Variants in ARHGAP32 observed in about 807,000 individuals in gnomAD.
ARHGAP32 encodes the protein Rho GTPase activating protein 32.
A neutral mutation model predicts 186.5 loss-of-function variants in ARHGAP32; 51 were observed. The observed-to-expected ratio is 0.27, with a 90% CI of 0.22 to 0.35. The LOEUF is 0.35. Ranked by LOEUF, ARHGAP32 falls within the 10% of genes least tolerant of loss-of-function variation. The pLI, the probability that ARHGAP32 is intolerant of heterozygous loss-of-function variation, is 1.00. For missense variants in ARHGAP32, 2,186 were observed against 2,623.5 expected (o/e 0.83, Z 3.64); for synonymous variants, 950 against 964.3 (o/e 0.99, Z 0.27).
At chr11:129,091,676 T>C (rs182213616) in intron 6 of ARHGAP32, among the ~76,000 whole-genome samples, 8 of 152,230 alleles carry the variant, frequency 5.3e-5, no homozygotes, top group African/African-American at 1.7e-4. Flanking sequence ...AATGGTGGTC[T>C]TATCTGAAGA....
chr11:129,277,095 C>G (rs552707069), intron 1 of ARHGAP32, among the ~76,000 whole-genome samples: 1 of 152,220 alleles, frequency 6.6e-6, no homozygotes, highest in East Asian at 1.9e-4. Flanking sequence ...GATGCCTAGT[C>G]CTTAACATTT....
At position 128,969,286 on chromosome 11, in the gene ARHGAP32, T is replaced by C; in HGVS notation, c.5927A>G (p.His1976Arg). The C allele has an allele frequency of 6.2e-7, 1 of 1,614,028 alleles. No homozygotes were observed. The highest frequency in any genetic ancestry group is 8.5e-7 in the Non-Finnish European group (1 of 1,180,016). The change falls in exon 23 of 23, where the codon CAC (histidine) becomes CGC (arginine). Residue 1976 changes from histidine to arginine, a missense_variant. By Grantham distance (29) the His-to-Arg change is conservative (BLOSUM62 0). Around this residue, in one of 5 missense-constraint regions of ARHGAP32, gnomAD observed 1,502 missense variants for 1,570.0 expected, o/e 0.96. Transcript: ENST00000682385. This position sits in a 1 kb window ranked among gnomAD's most constrained non-coding sequence, Gnocchi z 4.8. ...TTCCTCCTTGTAGCAGTCTCTGGAG[T>C]GTTTCTCTGGGGCAGAAGGCTGCCT... ...WVRQPSAPEKHSRDCYKEEEH... is the reference protein window; with the variant it reads ...WVRQPSAPEKRSRDCYKEEEH...
At chr11:129,047,235 T>C (rs1388869819) in intron 10 of ARHGAP32, among the ~76,000 whole-genome samples, 3 of 152,270 alleles carry the variant, frequency 2.0e-5, no homozygotes, top group African/African-American at 7.2e-5. Flanking sequence ...TTAAACTTAG[T>C]AGAAGCACTG....
At chr11:129,069,681 C>T (rs1017493437) in intron 6 of ARHGAP32, among the ~76,000 whole-genome samples, 6 of 151,904 alleles carry the variant, frequency 3.9e-5, no homozygotes, top group Non-Finnish European at 4.4e-5. Flanking sequence ...TTCAGCATGC[C>T]CTGGTGATCA....
chr11:129,124,891 T>A lies in ARHGAP32; in HGVS notation c.229A>T (p.Arg77Ter). ...DWEETLSAMA[R>*]GADVPEIPGD... ...GGAATCTCTGGAACATCTGCGCCTC[T>A]TGCCTTAAAAAATAAAGACAAAATA... Residue 77 changes from arginine (R) to a stop codon, truncating the protein, a stop_gained, in exon 3 of 23, where the codon AGA becomes TGA. Coordinates refer to ENST00000682385, the MANE Select transcript of ARHGAP32 (RefSeq NM_001378024.1). LOFTEE classifies it high-confidence loss of function. 6.2e-7 allele frequency: 1 copy of A among 1,604,432 alleles called. No homozygotes were observed. Among genetic ancestry groups the A allele is most frequent in the Non-Finnish European group, 8.5e-7 (1 of 1,176,516 alleles).
intron 1 of ARHGAP32, among the ~76,000 whole-genome samples, chr11:129,212,735 A>G (rs918463448): frequency 6.6e-6 from 1 of 152,210 alleles, no homozygotes; most frequent in Non-Finnish European, 1.5e-5. Flanking sequence ...ACTTCATAGC[A>G]TAACTTGTTG....
intron 6 of ARHGAP32, among the ~76,000 whole-genome samples, chr11:129,073,882 A>G (rs1374695797): frequency 6.6e-6 from 1 of 152,164 alleles, no homozygotes; most frequent in Non-Finnish European, 1.5e-5. Context: ...CAAAATCGGA[A>G]TTATATAACA....
At chr11:128,986,790 T>C in intron 13 of ARHGAP32, 122 bp from the exon 14 acceptor site, 1 of 841,930 alleles carries the variant, frequency 1.2e-6, no homozygotes, top group Non-Finnish European at 1.8e-6. Flanking sequence ...GCTATTATCT[T>C]CCATTAATTA....
intron 1 of ARHGAP32, among the ~76,000 whole-genome samples, chr11:129,178,872 C>G (rs962900196): frequency 6.6e-6 from 1 of 151,944 alleles, no homozygotes; most frequent in Non-Finnish European, 1.5e-5. Context: ...CCATTCAGGA[C>G]ATAGGCATGG....
At chr11:129,242,961 T>C (rs980554406) in intron 1 of ARHGAP32, among the ~76,000 whole-genome samples, 1 of 152,120 alleles carries the variant, frequency 6.6e-6, no homozygotes, top group Non-Finnish European at 1.5e-5. Flanking sequence ...GACAACTTCA[T>C]CCACTTCAAT....
rs891787367 is a variant in ARHGAP32 at position 128,966,264 on chromosome 11, T to C, written c.*2643A>G. 2 of 152,238 alleles carry C rather than the reference T, an allele frequency of 1.3e-5. No homozygotes were observed. Among genetic ancestry groups the C allele is most frequent in the African/African-American group, 4.8e-5 (2 of 41,456 alleles). 9.4% of individuals were successfully genotyped at this position (152,238 alleles called of 1,614,324 possible). A position where few individuals can be genotyped will look rare whatever the true frequency, so the allele number is the denominator to read the frequency against. On this transcript the variant is annotated 3_prime_UTR_variant, in exon 23 of 23. Coordinates refer to ENST00000682385, the MANE Select transcript of ARHGAP32 (RefSeq NM_001378024.1). ...CCATTTCCTTGATCATAATGCTCCA[T>C]GTCAAAATTTGAAAGTAATAACATT...
At chr11:129,181,586 A>T (rs1224402683) in intron 1 of ARHGAP32, among the ~76,000 whole-genome samples, 2 of 152,176 alleles carry the variant, frequency 1.3e-5, no homozygotes, top group East Asian at 3.8e-4. Context: ...TGGTTAGCCT[A>T]TGTGGACTAA....
chr11:129,041,458 T>C (rs938937029), intron 10 of ARHGAP32, among the ~76,000 whole-genome samples: 1 of 151,476 alleles, frequency 6.6e-6, no homozygotes, highest in African/African-American at 2.4e-5. Context: ...TCAAACTTTT[T>C]GTGAATTTTC....
intron 13 of ARHGAP32, among the ~76,000 whole-genome samples, chr11:128,987,622 G>A (rs935106354): frequency 5.9e-5 from 9 of 152,144 alleles, no homozygotes; most frequent in Non-Finnish European, 1.0e-4. Context: ...AATATGTAGA[G>A]ATGCATACTT....
In ARHGAP32 at chr11:128,984,658, T is replaced by G. The variant is rs935315820; in HGVS notation, c.1526+1345A>C. On this transcript the variant is annotated intron_variant, in intron 15 of 22. Coordinates refer to ENST00000682385, the MANE Select transcript of ARHGAP32 (RefSeq NM_001378024.1). ...TACATTATAAAGCAGGAGATATACA[T>G]GTACATATTAATAGCAGGCAAGGTA... Among the ~76,000 whole-genome samples the G allele has an allele frequency of 3.9e-5, 6 of 152,114 alleles. No individual in the cohort carries two copies. In the East Asian group the frequency reaches 1.2e-3, roughly 29 times the overall value.
At chr11:129,065,433 G>C (rs1241847817) in intron 7 of ARHGAP32, among the ~76,000 whole-genome samples, 1 of 152,048 alleles carries the variant, frequency 6.6e-6, no homozygotes, top group African/African-American at 2.4e-5. Flanking sequence ...CCAGGAATTA[G>C]GAATTGTGAC....
intron 1 of ARHGAP32, among the ~76,000 whole-genome samples, chr11:129,178,816 A>ACG (rs1943981601): frequency 6.8e-6 from 1 of 147,854 alleles, no homozygotes; most frequent in Non-Finnish European, 1.5e-5. Context: ...AGACTTAAAT[A>ACG]TTAGACCTAA....
chr11:129,185,124 A>G (rs1944132426), intron 1 of ARHGAP32, among the ~76,000 whole-genome samples: 1 of 152,186 alleles, frequency 6.6e-6, no homozygotes, highest in Non-Finnish European at 1.5e-5. Flanking sequence ...AGGATTATAA[A>G]TCATGCTGCT....
At chr11:129,013,025 T>C (rs148871560) in intron 11 of ARHGAP32, among the ~76,000 whole-genome samples, 1 of 152,222 alleles carries the variant, frequency 6.6e-6, no homozygotes, top group Non-Finnish European at 1.5e-5. Flanking sequence ...ATTAGGTAAC[T>C]GACTCTGCTT....
Sources: gnomAD v4.1 joint callset for allele counts (sites outside exome capture counted in the v4.1 genomes callset) on GRCh38, gnomAD v4.1.1 for gene constraint, gnomAD v4.1.1 regional missense constraint, Gnocchi (gnomAD v3.1) non-coding constraint, MANE v1.5 for transcripts, NCBI Gene and HGNC (gene_info 2026-07-23, HGNC 2026-07-21) for gene names.